Variants in PRCP observed in about 807,000 individuals in gnomAD.
The protein encoded by PRCP is prolylcarboxypeptidase.
Under a neutral mutation model 54.2 loss-of-function variants are expected in PRCP, and 46 were observed. The observed-to-expected ratio is 0.85, with a 90% CI of 0.67 to 1.09. PRCP has a LOEUF of 1.09. Among genes scored for constraint, PRCP ranks in the 50% least tolerant of loss-of-function variants. PRCP has a pLI of 0.00. For missense variants in PRCP, 613 were observed against 596.8 expected, an observed-to-expected ratio of 1.03 and a Z score of -0.28; for synonymous variants, 240 against 212.2, an observed-to-expected ratio of 1.13 and a Z score of -1.14.
chr11:82,883,803 T>A (rs1859805518), intron 1 of PRCP, among the ~76,000 whole-genome samples: 1 of 152,176 alleles, frequency 6.6e-6, no homozygotes, highest in Non-Finnish European at 1.5e-5. Flanking sequence ...GGGTGGTTGG[T>A]AAGTGTAAAT....
chr11:82,847,658 G>A (rs1322030827), intron 6 of PRCP, among the ~76,000 whole-genome samples: 4 of 152,036 alleles, frequency 2.6e-5, no homozygotes, highest in South Asian at 4.2e-4. Context: ...CCAGGCTGGA[G>A]TACAGTGGCA....
intron 1 of PRCP, among the ~76,000 whole-genome samples, chr11:82,895,131 G>T (rs1296929922): frequency 6.6e-6 from 1 of 152,118 alleles, no homozygotes; most frequent in East Asian, 1.9e-4. Flanking sequence ...TTTACTAACT[G>T]TTATGCACTG....
At chr11:82,866,875 C>A (rs553218995) in intron 1 of PRCP, among the ~76,000 whole-genome samples, 3 of 152,034 alleles carry the variant, frequency 2.0e-5, no homozygotes, top group South Asian at 2.1e-4. Flanking sequence ...GTGCCCACCA[C>A]CACACCCGGA....
At chr11:82,858,992 C>A (rs145041131) in intron 2 of PRCP, among the ~76,000 whole-genome samples, 97 of 152,298 alleles carry the variant, frequency 6.4e-4, no homozygotes, top group African/African-American at 2.3e-3. Flanking sequence ...ACTTTAAATT[C>A]ATATACCAGT....
Position 82,852,779 on chromosome 11 carries a change from A to G in PRCP, c.411+398T>C, listed in dbSNP as rs2298670. ...GTCCTTATTTTATTGATTTTATTTT[A>G]TTAAAAACATCTTATCAGATAAATT... On this transcript the variant is annotated intron_variant, in intron 3 of 8. Transcript: ENST00000313010. 6.6e-5 allele frequency among the ~76,000 whole-genome samples: 10 copies of G among 152,340 alleles called. No homozygotes were observed. In the East Asian group the frequency reaches 1.9e-3, roughly 29 times the overall value.
rs374665268 is a variant in PRCP, at chr11:82,849,205, C to T, written c.765G>A (p.Gln255=). The T allele has an allele frequency of 6.2e-5, 100 of 1,613,996 alleles. 1 individual carries two copies. In the Middle Eastern group the frequency reaches 6.6e-3, roughly 107 times the overall value. The change falls in exon 6 of 9, where the codon CAG becomes CAA. Residue 255 remains glutamine (Q), a synonymous_variant. Coordinates refer to ENST00000313010, the MANE Select transcript of PRCP (RefSeq NM_005040.4). The part of the protein sequence containing the change: ...NRLSNTGSGL[Q]WLTGALHLCS... ...ATAAGTGAAGGGCTCCAGTAAGCCA[C>T]TGCAAACCACTGCCTGGGAATAGAA... is the stretch of plus-strand genomic sequence containing the variant.
At chr11:82,885,561 A>G (rs183213312) in intron 1 of PRCP, among the ~76,000 whole-genome samples, 1 of 152,352 alleles carries the variant, frequency 6.6e-6, no homozygotes, top group East Asian at 1.9e-4. Context: ...ACGCATTTTT[A>G]TTCTAAACAA....
chr11:82,883,336 TAGGG>T (rs2121247820), intron 1 of PRCP, among the ~76,000 whole-genome samples: 1 of 152,160 alleles, frequency 6.6e-6, no homozygotes, highest in East Asian at 1.9e-4. Context: ...AGGAGTTTGC[TAGGG>T]AGAGAAAGGA....
chr11:82,868,234 G>C (rs111765069), intron 1 of PRCP, among the ~76,000 whole-genome samples: 1 of 152,076 alleles, frequency 6.6e-6, no homozygotes, highest in Non-Finnish European at 1.5e-5. Flanking sequence ...AAATCTCATT[G>C]AAGATATATA....
chr11:82,878,762 G>C (rs1400559990), intron 1 of PRCP, among the ~76,000 whole-genome samples: 1 of 152,156 alleles, frequency 6.6e-6, no homozygotes, highest in Non-Finnish European at 1.5e-5. Context: ...CTCAGCATTT[G>C]CTTGTCTATA....
At chr11:82,848,943 G>T in intron 6 of PRCP, 106 bp downstream of exon 6, 1 of 1,167,050 alleles carries the variant, frequency 8.6e-7, no homozygotes, top group Non-Finnish European at 1.2e-6. Context: ...GACAAACTCT[G>T]GAGCCCCTTT....
chr11:82,887,707 A>T (rs113203726), intron 1 of PRCP, among the ~76,000 whole-genome samples: 2,081 of 152,290 alleles, frequency 0.014, 46 homozygotes, highest in African/African-American at 0.047. Context: ...CCTGAAAGCC[A>T]GCCATGAAGC....
At chr11:82,875,922 G>A (rs1047410840) in intron 1 of PRCP, among the ~76,000 whole-genome samples, 1 of 152,088 alleles carries the variant, frequency 6.6e-6, no homozygotes, top group Non-Finnish European at 1.5e-5. Flanking sequence ...CTGGACATAC[G>A]CTTTCTGAAG....
intron 1 of PRCP, among the ~76,000 whole-genome samples, chr11:82,864,698 A>T (rs1465933802): frequency 6.6e-6 from 1 of 152,232 alleles, no homozygotes; most frequent in East Asian, 1.9e-4. Context: ...AGTTCTTTCT[A>T]GCACGTGGTC....
chr11:82,894,612 ATCC>A (rs1860077700), intron 1 of PRCP, among the ~76,000 whole-genome samples: 1 of 152,252 alleles, frequency 6.6e-6, no homozygotes. Context: ...GGCAGGGCTG[ATCC>A]TAGAACCCAA....
intron 1 of PRCP, among the ~76,000 whole-genome samples, chr11:82,868,394 T>C (rs7108141): frequency 0.027 from 4,171 of 152,250 alleles, 182 homozygotes; most frequent in African/African-American, 0.094. Flanking sequence ...AGAAAAAAAC[T>C]AAGATACAAT....
intron 1 of PRCP, among the ~76,000 whole-genome samples, chr11:82,870,474 G>C (rs1244413990): frequency 2.0e-5 from 3 of 152,196 alleles, no homozygotes; most frequent in African/African-American, 7.2e-5. Flanking sequence ...TCTCCACTGG[G>C]AAACAGATGG....
chr11:82,856,193 T>C (rs1446578767), intron 2 of PRCP, among the ~76,000 whole-genome samples: 1 of 152,034 alleles, frequency 6.6e-6, no homozygotes, highest in South Asian at 2.1e-4. Flanking sequence ...AAATAAACCA[T>C]TCTACCAAAA....
intron 1 of PRCP, among the ~76,000 whole-genome samples, chr11:82,892,252 G>A (rs1464289742): frequency 6.6e-6 from 1 of 152,002 alleles, no homozygotes; most frequent in African/African-American, 2.4e-5. Context: ...TAACCTCTAT[G>A]AGTTTCAATT....
Sources: allele counts gnomAD v4.1 joint callset (sites outside exome capture counted in the v4.1 genomes callset), GRCh38; gene constraint gnomAD v4.1.1; transcripts MANE v1.5; gene names NCBI Gene and HGNC (gene_info 2026-07-23, HGNC 2026-07-21).